PCDH15: variants seen among roughly 807,000 people sequenced by gnomAD.
PCDH15 encodes protocadherin related 15.
In PCDH15, 129 loss-of-function variants were observed where a neutral mutation model predicts 178.5. The ratio of observed to expected loss-of-function variants is 0.72; its 90% CI spans 0.63 to 0.84. PCDH15 has a LOEUF of 0.84. PCDH15 is among the 40% of genes least tolerant of loss of function. The pLI is 0.00. For synonymous variants in PCDH15, 800 were observed against 732.0 expected (o/e 1.09, Z -1.50); for missense variants, 2,230 against 2,099.9 (o/e 1.06, Z -1.21).
chr10:54,202,944 A>G (rs751705684), intron 10 of PCDH15, among the ~76,000 whole-genome samples: 4 of 152,142 alleles, frequency 2.6e-5, no homozygotes, highest in Non-Finnish European at 5.9e-5. Flanking sequence ...AGCAGAATGT[A>G]CTTTCACAGA....
At chr10:55,001,290 C>T (rs879778687) in intron 2 of PCDH15, among the ~76,000 whole-genome samples, 12 of 152,150 alleles carry the variant, frequency 7.9e-5, no homozygotes, top group South Asian at 2.1e-4. Flanking sequence ...TTATTCTTCC[C>T]GGATGCGGGA....
intron 1 of PCDH15, among the ~76,000 whole-genome samples, chr10:54,800,210 C>G (rs575027878): frequency 1.8e-4 from 27 of 152,242 alleles, no homozygotes; most frequent in African/African-American, 6.5e-4. Flanking sequence ...TCAGGGCCCA[C>G]CCACTCTATA....
intron 2 of PCDH15, among the ~76,000 whole-genome samples, chr10:54,641,480 G>A (rs2093986443): frequency 6.6e-6 from 1 of 151,948 alleles, no homozygotes; most frequent in African/African-American, 2.4e-5. Context: ...TTATATTAGT[G>A]AATGGCCCTA....
chr10:54,217,935 T>C (rs2052290951), intron 9 of PCDH15, among the ~76,000 whole-genome samples: 1 of 152,204 alleles, frequency 6.6e-6, no homozygotes, highest in South Asian at 2.1e-4. Flanking sequence ...TTTTGTTTTT[T>C]AAGCTAAAGA....
In PCDH15 at chr10:53,840,350, T is replaced by C; in HGVS notation, c.3953A>G (p.Asn1318Ser). 1 of 1,614,152 alleles carries C rather than the reference T, an allele frequency of 6.2e-7. No individual in the cohort carries two copies. The highest frequency in any genetic ancestry group is 8.5e-7 in the Non-Finnish European group (1 of 1,180,012). Residue 1318 changes from asparagine (N) to serine (S), a missense_variant, in exon 29 of 38, where the codon AAC becomes AGC. Physicochemically the swap from Asn to Ser is conservative, Grantham distance 46. Transcript: ENST00000644397. ...AAGCTCATTTCTATCGATGGCTCTG[T>C]TGGTTTGGGGGTCAATTGCATAGAC... ...LTVYAIDPQTNRAIDRNELFK... is the reference protein window; with the variant it reads ...LTVYAIDPQTSRAIDRNELFK...
intron 3 of PCDH15, among the ~76,000 whole-genome samples, chr10:54,820,344 C>T (rs1953018486): frequency 1.3e-5 from 2 of 151,892 alleles, no homozygotes; most frequent in African/African-American, 4.8e-5. Flanking sequence ...ATTGACATTC[C>T]TTTTGCTGCC....
intron 11 of PCDH15, among the ~76,000 whole-genome samples, chr10:54,194,014 A>G (rs1044961565): frequency 9.9e-5 from 15 of 150,844 alleles, no homozygotes; most frequent in African/African-American, 3.7e-4. Context: ...GATATTGTTA[A>G]AACTTGTGGT....
rs1364971969 is a variant in PCDH15, at chr10:54,735,646, G to C, written c.-29+65279C>G. On this transcript the variant is annotated intron_variant, in intron 1 of 37. Coordinates refer to ENST00000644397, the MANE Select transcript of PCDH15 (RefSeq NM_001384140.1). ...GTCCAACAATGATAGACTGGATTAA[G>C]AAAATGTGGCACATATACACCATGG... Among the ~76,000 whole-genome samples, 53 of 129,424 alleles carry C rather than the reference G, an allele frequency of 4.1e-4. 2 individuals carry two copies. The highest frequency in any genetic ancestry group is 5.2e-4 in the South Asian group (2 of 3,856). The allele number at this position is 129,424 out of a possible 152,430, so 84.9% of individuals were successfully genotyped here.
intron 11 of PCDH15, 66 bp from the exon 12 acceptor site, chr10:54,185,334 G>A (rs994876229): frequency 6.4e-7 from 1 of 1,571,338 alleles, no homozygotes. Context: ...TCATTACCTA[G>A]AAGTTAATGT....
chr10:54,111,566 G>A (rs2095023985), intron 15 of PCDH15, among the ~76,000 whole-genome samples: 1 of 152,114 alleles, frequency 6.6e-6, no homozygotes, highest in Non-Finnish European at 1.5e-5. Context: ...TTGCTGATAG[G>A]TCATTTATAA....
intron 3 of PCDH15, among the ~76,000 whole-genome samples, chr10:54,454,226 C>T (rs2076669024): frequency 6.7e-6 from 1 of 148,958 alleles, no homozygotes; most frequent in Non-Finnish European, 1.5e-5. Context: ...TATAGGCTCT[C>T]AATAAGGCAA....
At chr10:53,991,320 T>C (rs998846329) in intron 21 of PCDH15, among the ~76,000 whole-genome samples, 2 of 152,122 alleles carry the variant, frequency 1.3e-5, no homozygotes, top group African/African-American at 4.8e-5. Context: ...AGCTGGAGGA[T>C]TGTACATGCA....
At chr10:55,577,038 T>C (rs1256594286) in intron 2 of PCDH15, among the ~76,000 whole-genome samples, 1 of 151,996 alleles carries the variant, frequency 6.6e-6, no homozygotes, top group Admixed American at 6.6e-5. Flanking sequence ...GGTCAGGAGT[T>C]TGAGACCAGC....
chr10:54,087,469 T>C (rs774074005), intron 16 of PCDH15, among the ~76,000 whole-genome samples: 1 of 152,232 alleles, frequency 6.6e-6, no homozygotes, highest in Non-Finnish European at 1.5e-5. Flanking sequence ...TGTTGTAGCA[T>C]GTTTCAGTAC....
intron 2 of PCDH15, among the ~76,000 whole-genome samples, chr10:54,971,312 A>G (rs183982512): frequency 6.6e-6 from 1 of 152,112 alleles, no homozygotes; most frequent in Non-Finnish European, 1.5e-5. Context: ...TGGCTGAGGG[A>G]ACTGGATGGG....
chr10:54,524,333 A>AT (rs151058477), intron 3 of PCDH15, among the ~76,000 whole-genome samples: 12,122 of 152,214 alleles, frequency 0.08, 476 homozygotes, highest in African/African-American at 0.089. Flanking sequence ...GCATCTGTCC[A>AT]TTTCTGTACA....
At chr10:55,114,884 A>G (rs942228380) in intron 2 of PCDH15, among the ~76,000 whole-genome samples, 12 of 152,198 alleles carry the variant, frequency 7.9e-5, no homozygotes, top group African/African-American at 2.9e-4. Flanking sequence ...GCAATTTATT[A>G]TGCACCATAA....
At chr10:55,213,418 A>G (rs150324273) in intron 1 of PCDH15, among the ~76,000 whole-genome samples, 86 of 152,160 alleles carry the variant, frequency 5.7e-4, no homozygotes, top group African/African-American at 2.0e-3. Flanking sequence ...CATTCGATTA[A>G]AACAGTTACC....
At chr10:54,387,423 T>C (rs1220643470) in intron 3 of PCDH15, among the ~76,000 whole-genome samples, 1 of 152,166 alleles carries the variant, frequency 6.6e-6, no homozygotes, top group Non-Finnish European at 1.5e-5. Context: ...TGACACATGC[T>C]ACAACATGGA....
Sources: gnomAD v4.1 joint callset for allele counts (sites outside exome capture counted in the v4.1 genomes callset) on GRCh38, gnomAD v4.1.1 for gene constraint, MANE v1.5 for transcripts, NCBI Gene and HGNC (gene_info 2026-07-23, HGNC 2026-07-21) for gene names.